Variants in ENPP2 observed in about 807,000 individuals in gnomAD.
The protein encoded by ENPP2 is autotaxin.
ENPP2 carries 51 observed loss-of-function variants against 120.2 expected under a neutral mutation model. The ratio of observed to expected loss-of-function variants is 0.42; its 90% CI spans 0.34 to 0.54. The LOEUF (loss-of-function observed/expected upper bound fraction) is 0.54, where lower values mean the gene tolerates loss of function less well. ENPP2 is among the 20% of genes least tolerant of loss of function. ENPP2 has a pLI of 0.04. For synonymous variants in ENPP2, 365 were observed against 366.4 expected, an observed-to-expected ratio of 1.00 and a Z score of 0.04; for missense variants, 920 against 1,066.5, an observed-to-expected ratio of 0.86 and a Z score of 1.91.
intron 2 of ENPP2, among the ~76,000 whole-genome samples, chr8:119,637,142 C>T (rs1167011289): frequency 2.0e-5 from 3 of 152,084 alleles, no homozygotes; most frequent in Non-Finnish European, 4.4e-5. Context: ...TGCTAAGGAT[C>T]TGATTCCCCT....
chr8:119,559,599 G>A (rs989888426), intron 24 of ENPP2, among the ~76,000 whole-genome samples: 3 of 152,152 alleles, frequency 2.0e-5, no homozygotes, highest in African/African-American at 7.2e-5. Context: ...CTTGATGTTC[G>A]CTGGCAATCC....
rs367895662 is a variant in ENPP2 at position 119,638,769 on chromosome 8, C to T, written c.12G>A (p.Arg4=). ...CCACCTGACACGACTGGAACGAGCTCCTCCTTGCCATGTCGAGGATTCTTG... is the reference window on the plus strand; with the variant it reads ...CCACCTGACACGACTGGAACGAGCTTCTCCTTGCCATGTCGAGGATTCTTG... MAR[R]SSFQSCQIIS... The change falls in exon 1 of 25, where the codon AGG becomes AGA. Residue 4 remains arginine, a synonymous_variant. Coordinates refer to ENST00000075322, the MANE Select transcript of ENPP2 (RefSeq NM_001040092.3). The T allele has an allele frequency of 6.2e-7, 1 of 1,608,978 alleles. No homozygotes were observed. The highest frequency in any genetic ancestry group is 8.5e-7 in the Non-Finnish European group (1 of 1,175,206).
chr8:119,662,628 C>A (rs1817953804), intron 1 of ENPP2, among the ~76,000 whole-genome samples: 1 of 152,174 alleles, frequency 6.6e-6, no homozygotes, highest in Admixed American at 6.5e-5. Context: ...TTCTGTGAAC[C>A]AGCTTTTTCT....
intron 1 of ENPP2, among the ~76,000 whole-genome samples, chr8:119,646,804 C>T (rs1817481921): frequency 6.6e-6 from 1 of 152,142 alleles, no homozygotes; most frequent in Admixed American, 6.5e-5. Context: ...TGTGCTCTTT[C>T]ATACCTCCAT....
chr8:119,608,125 A>C, intron 8 of ENPP2, 148 bp from the exon 9 acceptor site: 1 of 548,120 alleles, frequency 1.8e-6, no homozygotes, highest in South Asian at 2.9e-5. Context: ...TTATTTTCAC[A>C]TCTGGAAGTC....
chr8:119,563,723 T>A (rs1814159475), intron 23 of ENPP2, among the ~76,000 whole-genome samples: 1 of 152,100 alleles, frequency 6.6e-6, no homozygotes, highest in African/African-American at 2.4e-5. Flanking sequence ...AAAATTACGA[T>A]TTAACTACTA....
intron 1 of ENPP2, among the ~76,000 whole-genome samples, chr8:119,664,671 G>T (rs75604064): frequency 0.012 from 1,766 of 152,284 alleles, 41 homozygotes; most frequent in African/African-American, 0.04. Context: ...GCTAGGCACG[G>T]TGGCTCACAC....
chr8:119,582,292 A>G (rs1812801886), intron 18 of ENPP2, 126 bp downstream of exon 18: 2 of 693,634 alleles, frequency 2.9e-6, no homozygotes, highest in African/African-American at 3.6e-5. Flanking sequence ...CAGTCACACT[A>G]GCCAGTAGCT....
chr8:119,599,232 C>T (rs1371316337), intron 11 of ENPP2, among the ~76,000 whole-genome samples: 1 of 152,158 alleles, frequency 6.6e-6, no homozygotes, highest in East Asian at 1.9e-4. Context: ...ACTTATATAA[C>T]TTCAGTGATT....
rs1018695519 is a variant in ENPP2, at chr8:119,563,010, G to A, written c.2268C>T (p.Tyr756=). The A allele has an allele frequency of 1.9e-5, 30 of 1,611,928 alleles. No homozygotes were observed. The highest frequency in any genetic ancestry group is 2.2e-5 in the Non-Finnish European group (26 of 1,178,874). ...GAACAGGAATGGAACTGCCTTCCAC[G>A]TACCTGAAACAGGAAGGTAAAACGA... ...LHDTEDKIKQ[Y]VEGSSIPVPT... The change falls in exon 24 of 25, where the codon TAC becomes TAT. Residue 756 remains tyrosine, a synonymous_variant. Transcript: ENST00000075322.
chr8:119,590,921 A>T (rs948966168), intron 12 of ENPP2, among the ~76,000 whole-genome samples: 11 of 151,472 alleles, frequency 7.3e-5, no homozygotes, highest in African/African-American at 2.7e-4. Flanking sequence ...AGACAAAGGA[A>T]GTCACCATGA....
intron 24 of ENPP2, among the ~76,000 whole-genome samples, chr8:119,560,018 T>C (rs922963650): frequency 4.6e-5 from 7 of 152,198 alleles, no homozygotes; most frequent in Admixed American, 3.9e-4. Context: ...GTGGATTTCA[T>C]TTATCAGATA....
chr8:119,668,081 T>C (rs1247184470), intron 1 of ENPP2, among the ~76,000 whole-genome samples: 1 of 152,188 alleles, frequency 6.6e-6, no homozygotes, highest in Non-Finnish European at 1.5e-5. Flanking sequence ...TAAGTCTAGA[T>C]TAAATATCCC....
At chr8:119,645,815 C>CAA (rs57853579) in intron 1 of ENPP2, among the ~76,000 whole-genome samples, 1 of 97,664 alleles carries the variant, frequency 1.0e-5, no homozygotes. Context: ...AACTCAATCT[C>CAA]AAAAAAAAAA....
intron 18 of ENPP2, chr8:119,580,559 T>C (rs1434754718): frequency 5.2e-6 from 1 of 193,168 alleles, no homozygotes. Context: ...AAATCACTTT[T>C]CACCAAAGCT....
intron 3 of ENPP2, among the ~76,000 whole-genome samples, chr8:119,625,272 A>C (rs1211880415): frequency 1.3e-5 from 2 of 152,228 alleles, no homozygotes; most frequent in African/African-American, 2.4e-5. Flanking sequence ...TAGTCTCAGC[A>C]ATTTAGTTTG....
intron 1 of ENPP2, among the ~76,000 whole-genome samples, chr8:119,654,151 G>T (rs1817703044): frequency 7.1e-6 from 1 of 140,684 alleles, no homozygotes; most frequent in Non-Finnish European, 1.5e-5. Context: ...TAATATATAA[G>T]TATCTATATA....
At chr8:119,638,952 C>A, upstream of ENPP2, 1 of 739,232 alleles carries the variant, frequency 1.4e-6, no homozygotes, top group Non-Finnish European at 2.3e-6. Flanking sequence ...TCACAAATCG[C>A]AGCTCTGAGC....
At chr8:119,666,721 G>T (rs1359527409) in intron 1 of ENPP2, among the ~76,000 whole-genome samples, 1 of 151,696 alleles carries the variant, frequency 6.6e-6, no homozygotes, top group African/African-American at 2.4e-5. Context: ...CGGAGGTTGT[G>T]GTGAGCCGAG....
Sources: allele counts gnomAD v4.1 joint callset (sites outside exome capture counted in the v4.1 genomes callset), GRCh38; gene constraint gnomAD v4.1.1; transcripts MANE v1.5; gene names NCBI Gene and HGNC (gene_info 2026-07-23, HGNC 2026-07-21).